RMST: variants seen among roughly 807,000 people sequenced by gnomAD.
RMST encodes long intergenic non-protein coding RNA 54.
intron 10 of RMST, among the ~76,000 whole-genome samples, chr12:97,498,814 G>A (rs972410757): frequency 5.3e-5 from 8 of 152,134 alleles, no homozygotes; most frequent in African/African-American, 1.9e-4. Context: ...TCATCCACAC[G>A]AAGATCTAGA....
chr12:97,545,945 T>G (rs1179700850), intron 11 of RMST, among the ~76,000 whole-genome samples: 1 of 152,074 alleles, frequency 6.6e-6, no homozygotes, highest in Non-Finnish European at 1.5e-5. Context: ...TAAACAACAG[T>G]TCATCAAGTG....
intron 5 of RMST, among the ~76,000 whole-genome samples, chr12:97,488,123 A>G (rs1159464042): frequency 6.6e-6 from 1 of 152,134 alleles, no homozygotes; most frequent in Non-Finnish European, 1.5e-5. Flanking sequence ...AGTGGGTCAC[A>G]CATGTAATCC....
intron 5 of RMST, among the ~76,000 whole-genome samples, chr12:97,479,857 G>A (rs897645423): frequency 2.0e-5 from 3 of 152,042 alleles, no homozygotes; most frequent in Admixed American, 6.6e-5. Flanking sequence ...TGCTTGCCAT[G>A]TCCAACAGGC....
chr12:97,535,073 A>G (rs1320956164), intron 11 of RMST, among the ~76,000 whole-genome samples: 1 of 151,708 alleles, frequency 6.6e-6, no homozygotes, highest in African/African-American at 2.4e-5. Flanking sequence ...GAATTTTTCA[A>G]GATTATCCTC....
At chr12:97,540,479 AG>A (rs1223603360) in intron 11 of RMST, among the ~76,000 whole-genome samples, 4 of 151,814 alleles carry the variant, frequency 2.6e-5, no homozygotes, top group Non-Finnish European at 4.4e-5. Context: ...TTCCCTGAAA[AG>A]TATAGCACAT....
chr12:97,549,042 A>T (rs941334497), intron 11 of RMST, among the ~76,000 whole-genome samples: 1 of 152,202 alleles, frequency 6.6e-6, no homozygotes, highest in Non-Finnish European at 1.5e-5. Context: ...AAAAGATCTG[A>T]GAGTTTGCAG....
chr12:97,482,758 A>C (rs1875552887), intron 5 of RMST, among the ~76,000 whole-genome samples: 1 of 40,090 alleles, frequency 2.5e-5, no homozygotes, highest in Non-Finnish European at 7.2e-5. Context: ...TTATTAAATA[A>C]ATTTATATTA....
intron 5 of RMST, among the ~76,000 whole-genome samples, chr12:97,476,591 G>A (rs1874575878): frequency 6.6e-6 from 1 of 152,186 alleles, no homozygotes; most frequent in Non-Finnish European, 1.5e-5. Flanking sequence ...AAGGCCCACT[G>A]GGGAGCTGAT....
chr12:97,526,756 A>C (rs1881151671), intron 10 of RMST, among the ~76,000 whole-genome samples: 1 of 152,170 alleles, frequency 6.6e-6, no homozygotes, highest in Non-Finnish European at 1.5e-5. Context: ...GAAAGCTAGG[A>C]TAGGAATTCA....
intron 11 of RMST, among the ~76,000 whole-genome samples, chr12:97,559,310 A>G (rs1883943486): frequency 6.6e-6 from 1 of 152,144 alleles, no homozygotes; most frequent in African/African-American, 2.4e-5. Flanking sequence ...CATCTTCAAC[A>G]CTTTGCTTTC....
intron 10 of RMST, among the ~76,000 whole-genome samples, chr12:97,520,458 C>T (rs1880398008): frequency 6.6e-6 from 1 of 152,104 alleles, no homozygotes; most frequent in Non-Finnish European, 1.5e-5. Context: ...TTTCATCCTT[C>T]CTCTTAATGC....
At chr12:97,512,399 G>A (rs952700930) in intron 10 of RMST, among the ~76,000 whole-genome samples, 4 of 152,140 alleles carry the variant, frequency 2.6e-5, no homozygotes, top group African/African-American at 4.8e-5. Flanking sequence ...TGCTGGCTCC[G>A]GCAGCCTGCT....
intron 11 of RMST, among the ~76,000 whole-genome samples, chr12:97,535,703 T>C (rs1565934498): frequency 2.0e-5 from 3 of 151,652 alleles, no homozygotes; most frequent in Admixed American, 1.3e-4. Flanking sequence ...AGAACAGGAT[T>C]CTTGCAAGAT....
intron 10 of RMST, among the ~76,000 whole-genome samples, chr12:97,509,261 C>T (rs894095886): frequency 9.2e-5 from 14 of 152,110 alleles, no homozygotes; most frequent in African/African-American, 3.1e-4. Flanking sequence ...ACTTGAGTTC[C>T]TCTGATCTGT....
At chr12:97,480,092 T>TTTTC (rs1875063853) in intron 5 of RMST, among the ~76,000 whole-genome samples, 1 of 96,332 alleles carries the variant, frequency 1.0e-5, no homozygotes. Context: ...CTTTTTTCTT[T>TTTTC]TTTTTTCTTT....
chr12:97,464,443 A>T (rs1401342271), intron 4 of RMST, among the ~76,000 whole-genome samples: 1 of 152,224 alleles, frequency 6.6e-6, no homozygotes, highest in Non-Finnish European at 1.5e-5. Context: ...ATATATTGTT[A>T]TGTAAATACT....
intron 5 of RMST, among the ~76,000 whole-genome samples, chr12:97,487,051 A>G (rs1876190379): frequency 6.6e-6 from 1 of 152,216 alleles, no homozygotes; most frequent in Admixed American, 6.5e-5. Context: ...TTGTTTCATT[A>G]TGTAAAAAAT....
intron 11 of RMST, among the ~76,000 whole-genome samples, chr12:97,551,321 A>AAAAG (rs35390459): frequency 0.26 from 40,198 of 151,778 alleles, 6,834 homozygotes; most frequent in African/African-American, 0.48. Context: ...ATAAAAATAA[A>AAAAG]AAAGAATATT....
chr12:97,496,846 A>G (rs1877485040), intron 10 of RMST, among the ~76,000 whole-genome samples: 1 of 152,172 alleles, frequency 6.6e-6, no homozygotes, highest in Non-Finnish European at 1.5e-5. Context: ...TTGACATTGA[A>G]TGCATTTTTA....
Sources: gnomAD v4.1 joint callset for allele counts (sites outside exome capture counted in the v4.1 genomes callset) on GRCh38, gnomAD v4.1.1 for gene constraint, MANE v1.5 for transcripts, NCBI Gene and HGNC (gene_info 2026-07-23, HGNC 2026-07-21) for gene names.